Variants in ZNF536 observed in about 807,000 individuals in gnomAD.
The protein encoded by ZNF536 is zinc finger protein 536.
Under a neutral mutation model 84.5 loss-of-function variants are expected in ZNF536, and 13 were observed. That is an observed-to-expected ratio of 0.15 (90% CI 0.10 to 0.24). The LOEUF (loss-of-function observed/expected upper bound fraction) is 0.24, where lower values mean the gene tolerates loss of function less well. Ranked by LOEUF, ZNF536 falls within the 10% of genes least tolerant of loss-of-function variation. The pLI is 1.00. For missense variants in ZNF536, 1,536 were observed against 1,747.5 expected, an observed-to-expected ratio of 0.88 and a Z score of 2.16; for synonymous variants, 811 against 742.5, an observed-to-expected ratio of 1.09 and a Z score of -1.50.
chr19:30,271,294 C>CTTTTTTTTTTTTTTTTTTTTTTTTT (rs879683203), intron 1 of ZNF536, among the ~76,000 whole-genome samples: 2 of 103,198 alleles, frequency 1.9e-5, no homozygotes, highest in Non-Finnish European at 2.0e-5. Context: ...GTGTTTTTTT[C>CTTTTTTTTTTTTTTTTTTTTTTTTT]TTTTCTTTTT....
At chr19:30,661,703 A>G (rs1420023638) in intron 1 of ZNF536, among the ~76,000 whole-genome samples, 3 of 152,226 alleles carry the variant, frequency 2.0e-5, no homozygotes, top group Non-Finnish European at 4.4e-5. Context: ...ATAGGGGTGA[A>G]GCTAAATTAG....
chr19:30,709,723 C>G (rs2148065650), intron 1 of ZNF536, among the ~76,000 whole-genome samples: 1 of 152,310 alleles, frequency 6.6e-6, no homozygotes, highest in East Asian at 1.9e-4. Flanking sequence ...ACACCTGGCT[C>G]AAGTGATCCT....
At chr19:30,478,267 T>C (rs1048958443) in intron 2 of ZNF536, among the ~76,000 whole-genome samples, 5 of 152,058 alleles carry the variant, frequency 3.3e-5, no homozygotes, top group Admixed American at 2.6e-4. Flanking sequence ...ACTTCCTGTA[T>C]GCTCTTAGGC....
chr19:30,573,771 T>C (rs1399476520), intron 1 of ZNF536, among the ~76,000 whole-genome samples: 2 of 152,154 alleles, frequency 1.3e-5, no homozygotes, highest in African/African-American at 4.8e-5. Flanking sequence ...TCCTTGGACA[T>C]CTGAGTTAAG....
At chr19:30,261,697 C>CAA (rs56820609) in intron 1 of ZNF536, among the ~76,000 whole-genome samples, 7 of 99,874 alleles carry the variant, frequency 7.0e-5, no homozygotes, top group African/African-American at 1.1e-4. Flanking sequence ...GGACCTTGTC[C>CAA]AAAAAAAAAA....
intron 1 of ZNF536, among the ~76,000 whole-genome samples, chr19:30,626,015 C>T (rs189406306): frequency 6.6e-6 from 1 of 152,314 alleles, no homozygotes; most frequent in Admixed American, 6.5e-5. Flanking sequence ...AAGTTCAATG[C>T]TAATCACAGT....
intron 2 of ZNF536, among the ~76,000 whole-genome samples, chr19:30,341,149 C>T (rs1426000853): frequency 6.6e-6 from 1 of 152,190 alleles, no homozygotes; most frequent in Non-Finnish European, 1.5e-5. Context: ...TTTATAACAT[C>T]GCTTAAGACC....
chr19:30,553,553 A>G (rs1263492934), intron 4 of ZNF536, among the ~76,000 whole-genome samples: 1 of 152,226 alleles, frequency 6.6e-6, no homozygotes, highest in Non-Finnish European at 1.5e-5. Context: ...AGGACAGAGA[A>G]GAATGAATGA....
intron 2 of ZNF536, among the ~76,000 whole-genome samples, chr19:30,287,516 G>A (rs1011705893): frequency 1.3e-5 from 2 of 151,604 alleles, no homozygotes; most frequent in Admixed American, 6.6e-5. Context: ...GTGGGTGGAT[G>A]GATAGATGGG....
intron 1 of ZNF536, among the ~76,000 whole-genome samples, chr19:30,658,512 C>T (rs936185351): frequency 6.6e-6 from 1 of 152,004 alleles, no homozygotes; most frequent in East Asian, 1.9e-4. Flanking sequence ...GTTCTCAATG[C>T]CTGGAATGAA....
chr19:30,579,047 C>T (rs1208150511), intron 1 of ZNF536, among the ~76,000 whole-genome samples: 1 of 152,150 alleles, frequency 6.6e-6, no homozygotes, highest in Non-Finnish European at 1.5e-5. Context: ...TAAGATTACA[C>T]ATGTAAAGTC....
rs116986987 is a variant in ZNF536, at chr19:30,493,412, T to C, written c.2171-41435T>C. On this transcript the variant is annotated intron_variant, in intron 2 of 4. Transcript: ENST00000355537. ...AATTTCCTTCAGACTTTTTTTCTAA[T>C]GTCCATTACATATGCAACACTAATT... is the stretch of plus-strand genomic sequence containing the variant. 8.3e-3 allele frequency among the ~76,000 whole-genome samples: 1,272 copies of C among 152,344 alleles called. 8 individuals carry two copies. The highest frequency in any genetic ancestry group is 0.013 in the Non-Finnish European group (909 of 68,034).
rs34554504 is a variant in ZNF536, at chr19:30,686,694, G to C, written c.170-24063G>C. On this transcript the variant is annotated intron_variant, in intron 1 of 1. Coordinates refer to the ZNF536 transcript ENST00000592773. ...ATCTGCGCGCGTCTTCATGTCATCC[G>C]TCAGCATTGAGCTCCTCTGTCATCT... Among the ~76,000 whole-genome samples the C allele has an allele frequency of 5.9e-3, 905 of 152,236 alleles. 1 individual carries two copies. Among genetic ancestry groups the C allele is most frequent in the Admixed American group, 8.9e-3 (136 of 15,296 alleles).
intron 1 of ZNF536, among the ~76,000 whole-genome samples, chr19:30,422,137 T>A (rs2147858512): frequency 1.3e-5 from 2 of 152,286 alleles, no homozygotes; most frequent in Admixed American, 1.3e-4. Context: ...AGCACAGATC[T>A]GTAAGGCCCT....
intron 2 of ZNF536, among the ~76,000 whole-genome samples, chr19:30,472,305 A>T (rs2144657022): frequency 6.6e-6 from 1 of 152,338 alleles, no homozygotes; most frequent in Admixed American, 6.5e-5. Flanking sequence ...GCATTCCAGG[A>T]GTACCTGCGG....
intron 2 of ZNF536, among the ~76,000 whole-genome samples, chr19:30,515,087 C>CA (rs2055579764): frequency 6.6e-6 from 1 of 152,050 alleles, no homozygotes; most frequent in Non-Finnish European, 1.5e-5. Flanking sequence ...CCCATCTCTA[C>CA]AAAAAACACC....
chr19:30,297,293 A>G (rs2046028711), intron 2 of ZNF536, among the ~76,000 whole-genome samples: 1 of 152,106 alleles, frequency 6.6e-6, no homozygotes, highest in Admixed American at 6.6e-5. Flanking sequence ...ATGGTTCATC[A>G]CCATATAATC....
At chr19:30,509,927 G>C (rs1412626687) in intron 2 of ZNF536, among the ~76,000 whole-genome samples, 1 of 152,228 alleles carries the variant, frequency 6.6e-6, no homozygotes, top group Admixed American at 6.5e-5. Context: ...GGTGGGTAGT[G>C]CATGGCAGGA....
At chr19:30,468,609 G>A (rs1376021840) in intron 2 of ZNF536, among the ~76,000 whole-genome samples, 2 of 152,266 alleles carry the variant, frequency 1.3e-5, no homozygotes, top group East Asian at 1.9e-4. Context: ...GCAGGGGTTC[G>A]TGAGGGCTGT....
Sources: allele counts gnomAD v4.1 joint callset (sites outside exome capture counted in the v4.1 genomes callset), GRCh38; gene constraint gnomAD v4.1.1; transcripts MANE v1.5; gene names NCBI Gene and HGNC (gene_info 2026-07-23, HGNC 2026-07-21).